SGCZ: variants seen among roughly 807,000 people sequenced by gnomAD.
SGCZ encodes the protein sarcoglycan zeta, also known as zeta-sarcoglycan.
SGCZ carries 40 observed loss-of-function variants against 41.3 expected under a neutral mutation model. That is an observed-to-expected ratio of 0.97 (90% CI 0.75 to 1.26). The LOEUF (loss-of-function observed/expected upper bound fraction) is 1.26, where lower values mean the gene tolerates loss of function less well. Among genes scored for constraint, SGCZ ranks in the 50% most tolerant of loss-of-function variants. The probability of loss-of-function intolerance (pLI) is 0.00; values close to 1 mark genes in which losing one functional copy is unlikely to be tolerated. For missense variants in SGCZ, 552 were observed against 369.8 expected (o/e 1.49, Z -4.04); for synonymous variants, 206 against 137.5 (o/e 1.50, Z -3.49).
At chr8:14,980,167 G>A (rs1801613871) in intron 1 of SGCZ, among the ~76,000 whole-genome samples, 1 of 152,124 alleles carries the variant, frequency 6.6e-6, no homozygotes, top group African/African-American at 2.4e-5. Context: ...GGTCTATGGT[G>A]GATGTAAGGA....
intron 1 of SGCZ, among the ~76,000 whole-genome samples, chr8:14,976,030 T>TACACATATATATATA (rs1563404711): frequency 6.9e-6 from 1 of 145,784 alleles, no homozygotes; most frequent in Non-Finnish European, 1.5e-5. Flanking sequence ...ATATATATTT[T>TACACATATATATATA]TTTTTTTTCT....
intron 1 of SGCZ, among the ~76,000 whole-genome samples, chr8:14,719,907 T>A (rs1165428506): frequency 6.6e-6 from 1 of 152,070 alleles, no homozygotes; most frequent in Non-Finnish European, 1.5e-5. Flanking sequence ...GCTTTTGGTG[T>A]TTTAGACATG....
intron 1 of SGCZ, among the ~76,000 whole-genome samples, chr8:14,927,020 T>C (rs1799776191): frequency 6.6e-6 from 1 of 151,960 alleles, no homozygotes; most frequent in Non-Finnish European, 1.5e-5. Context: ...GGACACAGTA[T>C]ATAGTCTTTC....
chr8:14,187,341 T>C (rs941897261), intron 4 of SGCZ, among the ~76,000 whole-genome samples: 5 of 152,036 alleles, frequency 3.3e-5, no homozygotes, highest in Non-Finnish European at 5.9e-5. Flanking sequence ...GTCTGAACCA[T>C]AGATGAGGAA....
chr8:15,052,019 CA>C (rs1273029866), intron 1 of SGCZ, among the ~76,000 whole-genome samples: 2 of 151,996 alleles, frequency 1.3e-5, no homozygotes, highest in Non-Finnish European at 2.9e-5. Context: ...ACATTAATGT[CA>C]AAGCTTGGAT....
intron 2 of SGCZ, among the ~76,000 whole-genome samples, chr8:14,455,706 C>T (rs1800723673): frequency 6.6e-6 from 1 of 152,126 alleles, no homozygotes; most frequent in South Asian, 2.1e-4. Flanking sequence ...TGCAAATGAC[C>T]ATACTTAGGA....
intron 3 of SGCZ, among the ~76,000 whole-genome samples, chr8:14,306,062 T>G (rs1230215686): frequency 6.6e-6 from 1 of 152,222 alleles, no homozygotes; most frequent in African/African-American, 2.4e-5. Context: ...TAAACAAAGT[T>G]GACAAAATGA....
chr8:14,828,029 A>T (rs1230853384), intron 1 of SGCZ, among the ~76,000 whole-genome samples: 2 of 152,232 alleles, frequency 1.3e-5, no homozygotes. Context: ...ACAGGACCTC[A>T]ACTGAAACAC....
At chr8:15,101,640 G>A (rs76386137) in intron 1 of SGCZ, among the ~76,000 whole-genome samples, 15,261 of 152,174 alleles carry the variant, frequency 0.1, 876 homozygotes, top group Middle Eastern at 0.21. Context: ...ATGAAAATTG[G>A]TAAAAATCGG....
At chr8:14,415,207 G>A (rs867697098) in intron 2 of SGCZ, among the ~76,000 whole-genome samples, 9 of 151,774 alleles carry the variant, frequency 5.9e-5, no homozygotes, top group African/African-American at 2.2e-4. Context: ...AAGTGTTCAT[G>A]ATTCATTTAA....
chr8:14,205,770 G>C (rs1805595272), intron 4 of SGCZ, among the ~76,000 whole-genome samples: 1 of 151,978 alleles, frequency 6.6e-6, no homozygotes, highest in South Asian at 2.1e-4. Flanking sequence ...TTTTAACTTG[G>C]ACTTTAATGT....
chr8:14,144,767 C>T (rs978343577), intron 5 of SGCZ, among the ~76,000 whole-genome samples: 7 of 152,086 alleles, frequency 4.6e-5, no homozygotes, highest in African/African-American at 1.7e-4. Flanking sequence ...AAGCATGAAT[C>T]CTAGGCCATC....
intron 1 of SGCZ, among the ~76,000 whole-genome samples, chr8:14,865,295 C>G (rs1032851019): frequency 1.3e-5 from 2 of 152,012 alleles, no homozygotes; most frequent in African/African-American, 4.8e-5. Context: ...AACTCTCAGA[C>G]CATATCCCTT....
intron 5 of SGCZ, among the ~76,000 whole-genome samples, chr8:14,111,353 T>C (rs1371978268): frequency 6.6e-6 from 1 of 152,122 alleles, no homozygotes; most frequent in Non-Finnish European, 1.5e-5. Flanking sequence ...ATTTGTTTGG[T>C]ACATAAGGAC....
chr8:14,741,493 T>C (rs1799196690), intron 1 of SGCZ, among the ~76,000 whole-genome samples: 1 of 152,100 alleles, frequency 6.6e-6, no homozygotes, highest in African/African-American at 2.4e-5. Flanking sequence ...CAAGTAGTTT[T>C]AAGCATTTTA....
At chr8:14,287,552 A>C (rs2116935186) in intron 3 of SGCZ, among the ~76,000 whole-genome samples, 2 of 152,222 alleles carry the variant, frequency 1.3e-5, no homozygotes, top group African/African-American at 4.8e-5. Flanking sequence ...GTGCAGTGTT[A>C]AAAACCCTGT....
intron 4 of SGCZ, among the ~76,000 whole-genome samples, chr8:14,213,684 A>G (rs1367169465): frequency 6.6e-6 from 1 of 152,132 alleles, no homozygotes; most frequent in African/African-American, 2.4e-5. Context: ...CTTTTAAATC[A>G]TATCTGTCAG....
Position 14,728,756 on chromosome 8 carries a change from G to C in SGCZ, c.40-173830C>G, listed in dbSNP as rs117048236. Among the ~76,000 whole-genome samples, 334 of 152,272 alleles carry C rather than the reference G, an allele frequency of 2.2e-3. 1 individual carries two copies. Among genetic ancestry groups the C allele is most frequent in the Non-Finnish European group, 4.4e-3 (296 of 68,012 alleles). ...TTATCTGAAAGAGCTTCTCAAAAGT[G>C]ACAACAGGCTCTAAGAAATTAAATG... On this transcript the variant is annotated intron_variant, in intron 1 of 7. Transcript: ENST00000382080.
intron 1 of SGCZ, among the ~76,000 whole-genome samples, chr8:14,583,248 T>C (rs1368938478): frequency 9.2e-5 from 14 of 151,504 alleles, no homozygotes; most frequent in Non-Finnish European, 1.8e-4. Flanking sequence ...TGTGCATTTC[T>C]CTGATGGCCA....
Sources: allele counts gnomAD v4.1 joint callset (sites outside exome capture counted in the v4.1 genomes callset), GRCh38; gene constraint gnomAD v4.1.1; transcripts MANE v1.5; gene names NCBI Gene and HGNC (gene_info 2026-07-23, HGNC 2026-07-21).